Variants in ST6GALNAC1 observed in about 807,000 individuals in gnomAD.
The protein encoded by ST6GALNAC1 is alpha-N-acetylgalactosaminide alpha-2,6-sialyltransferase 1.
ST6GALNAC1 carries 45 observed loss-of-function variants against 56.8 expected under a neutral mutation model. The ratio of observed to expected loss-of-function variants is 0.79; its 90% CI spans 0.62 to 1.02. ST6GALNAC1 has a LOEUF of 1.02. Ranked by LOEUF, ST6GALNAC1 falls within the 50% of genes least tolerant of loss-of-function variation. ST6GALNAC1 has a pLI of 0.00. For missense variants in ST6GALNAC1, 743 were observed against 754.8 expected (o/e 0.98, Z 0.18); for synonymous variants, 295 against 297.8 (o/e 0.99, Z 0.10).
chr17:76,634,709 C>A (rs2075954960), intron 1 of ST6GALNAC1, among the ~76,000 whole-genome samples: 3 of 151,846 alleles, frequency 2.0e-5, no homozygotes. Flanking sequence ...CATGGTGAAA[C>A]CCCATCTCTA....
intron 1 of ST6GALNAC1, among the ~76,000 whole-genome samples, chr17:76,631,548 A>G (rs1327282141): frequency 6.6e-6 from 1 of 152,148 alleles, no homozygotes; most frequent in Non-Finnish European, 1.5e-5. Context: ...GGAACCAGGA[A>G]TCGCTCTCTA....
chr17:76,628,945 T>C (rs2075850271), intron 2 of ST6GALNAC1, 67 bp downstream of exon 2: 3 of 1,421,436 alleles, frequency 2.1e-6, no homozygotes, highest in African/African-American at 2.9e-5. Context: ...GAGGGTGGGC[T>C]GGGCTTCCTC....
At position 76,626,029 on chromosome 17, in the gene ST6GALNAC1, G is replaced by T. The variant is rs1481276837; in HGVS notation, c.1482C>A (p.Asp494Glu). Residue 494 changes from aspartate (D) to glutamate (E), a missense_variant, in exon 7 of 9, where the codon GAC (aspartate) becomes GAA (glutamate). By Grantham distance (45) the Asp-to-Glu change is conservative. Coordinates refer to ENST00000156626, the MANE Select transcript of ST6GALNAC1 (RefSeq NM_018414.5). ...HMDRYLLLHP[D>E]FLRYMKNRFL... ...ACCTGTTCTTCATGTATCGGAGAAA[G>T]TCTGGGTGCAGCAACAGGTACCTGT... The T allele has an allele frequency of 3.7e-6, 6 of 1,614,216 alleles. No homozygotes were observed. In the Admixed American group the frequency reaches 1.0e-4, roughly 27 times the overall value.
downstream of ST6GALNAC1, among the ~76,000 whole-genome samples, chr17:76,622,553 T>C (rs1444163297): frequency 2.0e-5 from 3 of 151,942 alleles, no homozygotes; most frequent in South Asian, 2.1e-4. Flanking sequence ...TTAGTAGAGA[T>C]GGGGTTTCGC....
At chr17:76,639,638 AACACACAC>A (rs55706272) in intron 1 of ST6GALNAC1, among the ~76,000 whole-genome samples, 12,116 of 124,926 alleles carry the variant, frequency 0.097, 675 homozygotes, top group Admixed American at 0.12. Flanking sequence ...TTACATGATA[AACACACAC>A]ACACACACAC....
In ST6GALNAC1 at chr17:76,625,525, C is replaced by G; in HGVS notation, c.1608G>C (p.Val536=). 6.2e-7 allele frequency: 1 copy of G among 1,613,630 alleles called. No homozygotes were observed. Among genetic ancestry groups the G allele is most frequent in the East Asian group, 2.2e-5 (1 of 44,876 alleles). ...LLTALQLCDQ[V]SAYGFITEGH... ...CCTCAGTGATGAAGCCATAAGCACT[C>G]ACCTACATCACGGTTGGAGGAGAAA... The change falls in exon 9 of 9, where the codon GTG becomes GTC. Residue 536 remains valine, a splice_region_variant and synonymous_variant. Coordinates refer to ENST00000156626, the MANE Select transcript of ST6GALNAC1 (RefSeq NM_018414.5).
downstream of ST6GALNAC1, among the ~76,000 whole-genome samples, chr17:76,621,182 C>CTTTTTTTTTTTTTTTTTTT (rs367846650): frequency 2.8e-5 from 3 of 105,328 alleles, no homozygotes; most frequent in African/African-American, 3.5e-5. Flanking sequence ...TTCTTTCTTT[C>CTTTTTTTTTTTTTTTTTTT]TTTCTTTTTT....
intron 1 of ST6GALNAC1, among the ~76,000 whole-genome samples, chr17:76,637,031 G>C (rs974102417): frequency 1.1e-4 from 16 of 148,200 alleles, no homozygotes; most frequent in South Asian, 4.3e-4. Context: ...GATTAAGGGC[G>C]GTGCAAGATG....
downstream of ST6GALNAC1, among the ~76,000 whole-genome samples, chr17:76,622,378 TA>T (rs549186357): frequency 1.3e-5 from 2 of 149,590 alleles, no homozygotes; most frequent in Admixed American, 1.3e-4. Flanking sequence ...TTATTATTAT[TA>T]TTTTGAGACA....
At position 76,640,444 on chromosome 17, in the gene ST6GALNAC1, A is replaced by G. The variant is rs867373954; in HGVS notation, c.131+3064T>C. 2.6e-5 allele frequency among the ~76,000 whole-genome samples: 4 copies of G among 152,168 alleles called. No individual in the cohort carries two copies. In the South Asian group the frequency reaches 6.2e-4, roughly 24 times the overall value. Reference sequence around the variant, plus strand: ...GCTGGGAAGGCCAGGCCCGGTCACTATGAGTGACTCTCAGGCAGCCCATTC... The same window carrying G: ...GCTGGGAAGGCCAGGCCCGGTCACTGTGAGTGACTCTCAGGCAGCCCATTC... On this transcript the variant is annotated intron_variant, in intron 1 of 8. Coordinates refer to ENST00000156626, the MANE Select transcript of ST6GALNAC1 (RefSeq NM_018414.5).
chr17:76,629,437 T>A lies in ST6GALNAC1; in HGVS notation c.406A>T (p.Thr136Ser). The change falls in exon 2 of 9, where the codon ACA becomes TCA. Residue 136 changes from threonine (T) to serine (S), a missense_variant. Transcript: ENST00000156626. The stretch of plus-strand genomic sequence containing the variant: ...GCATCTTGCCCTCTGGGTGACAGTG[T>A]GTTCACCATGGTTTTCTCTTTTTCT... ...SPEKEKTMVN[T>S]LSPRGQDAGM... 3 of 1,614,146 alleles carry A rather than the reference T, an allele frequency of 1.9e-6. No homozygotes were observed. The highest frequency in any genetic ancestry group is 2.5e-6 in the Non-Finnish European group (3 of 1,180,024).
intron 5 of ST6GALNAC1, 36 bp downstream of exon 5, chr17:76,626,615 G>T: frequency 6.2e-7 from 1 of 1,613,494 alleles, no homozygotes; most frequent in Non-Finnish European, 8.5e-7. Flanking sequence ...CTCATCCAGA[G>T]TCTGGGTGTG....
At chr17:76,621,182 C>CCTTTTTTT (rs1555633321), downstream of ST6GALNAC1, among the ~76,000 whole-genome samples, 339 of 105,308 alleles carry the variant, frequency 3.2e-3, 5 homozygotes, top group African/African-American at 0.011. Context: ...TTCTTTCTTT[C>CCTTTTTTT]TTTCTTTTTT....
chr17:76,620,890 T>C (rs1459165785), downstream of ST6GALNAC1, among the ~76,000 whole-genome samples: 1 of 152,072 alleles, frequency 6.6e-6, no homozygotes, highest in Non-Finnish European at 1.5e-5. Context: ...CCACCATGCC[T>C]GGTCGCATAT....
chr17:76,642,489 G>T (rs116957409), intron 1 of ST6GALNAC1, among the ~76,000 whole-genome samples: 2 of 152,166 alleles, frequency 1.3e-5, no homozygotes, highest in Non-Finnish European at 2.9e-5. Context: ...ATAGAATTCC[G>T]TGTACCCTCA....
At chr17:76,629,774 T>C (rs1361026060) in intron 1 of ST6GALNAC1, 63 bp from the exon 2 acceptor site, 14 of 1,271,304 alleles carry the variant, frequency 1.1e-5, no homozygotes, top group East Asian at 4.7e-5. Flanking sequence ...GAAGCATAAG[T>C]AGTTTTTTGT....
the ST6GALNAC1 span, among the ~76,000 whole-genome samples, chr17:76,619,496 T>C: frequency 1.3e-5 from 2 of 152,188 alleles, no homozygotes; most frequent in Non-Finnish European, 2.9e-5. Flanking sequence ...CCTCTTTCCA[T>C]AATTGTAACT....
chr17:76,638,873 C>G (rs1246527936), intron 1 of ST6GALNAC1, among the ~76,000 whole-genome samples: 14 of 138,412 alleles, frequency 1.0e-4, no homozygotes, highest in South Asian at 2.3e-4. Context: ...AGCCACTGTG[C>G]CTGGCCTCAG....
downstream of ST6GALNAC1, chr17:76,624,664 G>A (rs1567950402): frequency 6.6e-6 from 1 of 152,600 alleles, no homozygotes; most frequent in Non-Finnish European, 1.5e-5. Context: ...CTCGTCATGG[G>A]GGTTTGAAAA....
Sources: allele counts gnomAD v4.1 joint callset (sites outside exome capture counted in the v4.1 genomes callset), GRCh38; gene constraint gnomAD v4.1.1; transcripts MANE v1.5; gene names NCBI Gene and HGNC (gene_info 2026-07-23, HGNC 2026-07-21).